The following STXBP5L variants were observed in gnomAD, a reference collection of about 807,000 sequenced individuals.
The protein encoded by STXBP5L is syntaxin-binding protein 5-like.
A neutral mutation model predicts 144.5 loss-of-function variants in STXBP5L; 65 were observed. The ratio of observed to expected loss-of-function variants is 0.45; its 90% CI spans 0.37 to 0.55. The LOEUF is 0.55. Among genes scored for constraint, STXBP5L ranks in the 20% least tolerant of loss-of-function variants. The probability of loss-of-function intolerance (pLI) is 0.00; values close to 1 mark genes in which losing one functional copy is unlikely to be tolerated. For missense variants in STXBP5L, 1,298 were observed against 1,405.5 expected (o/e 0.92, Z 1.22); for synonymous variants, 505 against 469.6 (o/e 1.08, Z -0.97).
At chr3:121,045,310 T>C (rs1204387752) in intron 4 of STXBP5L, 125 bp from the exon 5 acceptor site, 1 of 832,650 alleles carries the variant, frequency 1.2e-6, no homozygotes, top group African/African-American at 1.7e-5. Flanking sequence ...TATCCTTCCT[T>C]ATATTTCTGA....
intron 20 of STXBP5L, among the ~76,000 whole-genome samples, chr3:121,352,989 T>A (rs1428948877): frequency 6.6e-6 from 1 of 152,128 alleles, no homozygotes; most frequent in African/African-American, 2.4e-5. Flanking sequence ...TATGTTTATT[T>A]ATTTGCGTAT....
intron 3 of STXBP5L, among the ~76,000 whole-genome samples, chr3:121,028,482 TG>T (rs1203195721): frequency 6.6e-6 from 1 of 152,128 alleles, no homozygotes; most frequent in African/African-American, 2.4e-5. Context: ...AGTGATTATA[TG>T]ATATTCAAAA....
intron 9 of STXBP5L, among the ~76,000 whole-genome samples, chr3:121,202,652 A>G (rs1246438519): frequency 6.6e-6 from 1 of 151,980 alleles, no homozygotes; most frequent in African/African-American, 2.4e-5. Context: ...TTATTTTTGA[A>G]AGACAGTTTT....
chr3:120,974,955 A>G (rs192591968), intron 3 of STXBP5L, among the ~76,000 whole-genome samples: 70 of 152,242 alleles, frequency 4.6e-4, no homozygotes, highest in Non-Finnish European at 8.7e-4. Context: ...GCCTTGTAGT[A>G]TAGTTTGAAG....
intron 5 of STXBP5L, among the ~76,000 whole-genome samples, chr3:121,087,346 T>A (rs9847337): frequency 0.099 from 15,094 of 152,046 alleles, 1,179 homozygotes; most frequent in Admixed American, 0.2. Flanking sequence ...TTTTATTTAA[T>A]GTATTTTGCA....
At chr3:121,076,932 A>T (rs2042043019) in intron 5 of STXBP5L, among the ~76,000 whole-genome samples, 1 of 152,062 alleles carries the variant, frequency 6.6e-6, no homozygotes, top group Non-Finnish European at 1.5e-5. Context: ...TTCCTGTCAC[A>T]GCTAGCTGCA....
intron 3 of STXBP5L, among the ~76,000 whole-genome samples, chr3:121,004,020 C>G (rs1394686818): frequency 1.3e-5 from 2 of 151,900 alleles, no homozygotes; most frequent in Non-Finnish European, 2.9e-5. Flanking sequence ...TTAGGATTGA[C>G]TTGGCAATGC....
At chr3:121,262,720 C>A (rs1027727290) in intron 18 of STXBP5L, among the ~76,000 whole-genome samples, 1 of 152,116 alleles carries the variant, frequency 6.6e-6, no homozygotes, top group African/African-American at 2.4e-5. Context: ...TGAAATCAAA[C>A]AAGTTATATG....
At chr3:120,921,236 G>A (rs868206693) in intron 2 of STXBP5L, among the ~76,000 whole-genome samples, 2 of 151,916 alleles carry the variant, frequency 1.3e-5, no homozygotes, top group African/African-American at 4.8e-5. Flanking sequence ...GTGATGTTGA[G>A]CATTTTTTCA....
Position 121,033,183 on chromosome 3 carries a change from C to A in STXBP5L, c.288-8517C>A, listed in dbSNP as rs1946495733. ...ACTTGGAACCAACCCAAATGTCCAA[C>A]AATGATAGACTGGATTAAAAAATGT... On this transcript the variant is annotated intron_variant, in intron 3 of 26. Transcript: ENST00000471454. Among the ~76,000 whole-genome samples, 3 of 139,730 alleles carry A rather than the reference C, an allele frequency of 2.1e-5. No individual in the cohort carries two copies. The South Asian group carries it at 7.3e-4, about 34-fold the overall frequency. The allele number at this position is 139,730 out of a possible 152,430, so 91.7% of individuals were successfully genotyped here. A position where few individuals can be genotyped will look rare whatever the true frequency, so the allele number is the denominator to read the frequency against.
At chr3:121,173,017 C>G (rs954306711) in intron 9 of STXBP5L, among the ~76,000 whole-genome samples, 5 of 152,130 alleles carry the variant, frequency 3.3e-5, no homozygotes, top group Admixed American at 6.6e-5. Flanking sequence ...AGGATGAGTT[C>G]ATGTTCTTTA....
At chr3:120,978,691 C>G (rs1405617478) in intron 3 of STXBP5L, among the ~76,000 whole-genome samples, 1 of 152,072 alleles carries the variant, frequency 6.6e-6, no homozygotes, top group Non-Finnish European at 1.5e-5. Context: ...TACTTTTGGT[C>G]TTTGATGATG....
intron 3 of STXBP5L, among the ~76,000 whole-genome samples, chr3:120,969,406 T>G (rs1298481914): frequency 6.6e-6 from 1 of 151,694 alleles, no homozygotes; most frequent in Admixed American, 6.6e-5. Flanking sequence ...GTTTTTTTTT[T>G]TTTTTCTTGT....
rs2108760334 is a variant in STXBP5L, at chr3:121,420,027, A to G, written c.*930A>G. Reference sequence around the variant, plus strand: ...TTCAGCTTCTAAAGTGATATATTTTAAAAGCTTCATTTGTATCCTTGTCTG... The same window carrying G: ...TTCAGCTTCTAAAGTGATATATTTTGAAAGCTTCATTTGTATCCTTGTCTG... On this transcript the variant is annotated 3_prime_UTR_variant, in exon 27 of 27. Coordinates refer to ENST00000471454, the MANE Select transcript of STXBP5L (RefSeq NM_001308330.2). The G allele has an allele frequency of 6.6e-6, 1 of 152,328 alleles. No individual in the cohort carries two copies. The highest frequency in any genetic ancestry group is 1.5e-5 in the Non-Finnish European group (1 of 68,030). The allele number at this position is 152,328 out of a possible 1,614,324, so 9.4% of individuals were successfully genotyped here. A position where few individuals can be genotyped will look rare whatever the true frequency, so the allele number is the denominator to read the frequency against.
chr3:121,231,596 C>T (rs1157756490), intron 11 of STXBP5L, among the ~76,000 whole-genome samples: 1 of 152,086 alleles, frequency 6.6e-6, no homozygotes, highest in Non-Finnish European at 1.5e-5. Context: ...CCCCATTTTG[C>T]TTGGAAGTTT....
At chr3:120,975,722 A>T (rs1940905668) in intron 3 of STXBP5L, among the ~76,000 whole-genome samples, 4 of 152,182 alleles carry the variant, frequency 2.6e-5, no homozygotes, top group South Asian at 4.1e-4. Flanking sequence ...CGTCCCATCA[A>T]TACCTAATTT....
intron 5 of STXBP5L, among the ~76,000 whole-genome samples, chr3:121,097,313 G>A (rs574093219): frequency 1.3e-5 from 2 of 152,280 alleles, no homozygotes; most frequent in South Asian, 4.1e-4. Flanking sequence ...TTCCAGGGGA[G>A]TGAACGGTTC....
In STXBP5L at chr3:121,133,705, T is replaced by C. The variant is rs1227767863; in HGVS notation, c.669+12001T>C. Among the ~76,000 whole-genome samples, 40 of 152,164 alleles carry C rather than the reference T, an allele frequency of 2.6e-4. 1 individual carries two copies. Among genetic ancestry groups the C allele is most frequent in the Admixed American group, 2.6e-3 (40 of 15,270 alleles). On this transcript the variant is annotated intron_variant, in intron 7 of 26. Transcript: ENST00000471454. ...GTCCATTCTCACACTTCTAGAAAGA[T>C]ACTATCTGAGACTGGGTAATTTATA... is the stretch of plus-strand genomic sequence containing the variant.
chr3:121,093,652 T>G (rs1271971497), intron 5 of STXBP5L, among the ~76,000 whole-genome samples: 1 of 152,174 alleles, frequency 6.6e-6, no homozygotes, highest in Non-Finnish European at 1.5e-5. Flanking sequence ...TTCTATTTGA[T>G]TCTTCTCTCT....
Sources: gnomAD v4.1 joint callset for allele counts (sites outside exome capture counted in the v4.1 genomes callset) on GRCh38, gnomAD v4.1.1 for gene constraint, MANE v1.5 for transcripts, NCBI Gene and HGNC (gene_info 2026-07-23, HGNC 2026-07-21) for gene names.